The following PRH1 variants were observed in gnomAD, a reference collection of about 807,000 sequenced individuals.
The protein encoded by PRH1 is proline rich protein HaeIII subfamily 1.
PRH1 carries 7 observed loss-of-function variants against 7.9 expected under a neutral mutation model. That is an observed-to-expected ratio of 0.89 (90% confidence interval 0.50 to 1.67). The LOEUF (loss-of-function observed/expected upper bound fraction) is 1.67. PRH1 is among the 40% of genes most tolerant of loss of function. The pLI is 0.00. For missense variants in PRH1, 109 were observed against 223.6 expected (o/e 0.49, Z 3.27); for synonymous variants, 45 against 80.8 (o/e 0.56, Z 2.38).
chr12:11,038,158 AT>A (rs1404072933), intron 1 of PRH1, among the ~76,000 whole-genome samples: 2 of 152,286 alleles, frequency 1.3e-5, no homozygotes, highest in Non-Finnish European at 2.9e-5. Context: ...AATATGCTGT[AT>A]CACCCTAATT....
At chr12:11,099,241 G>A (rs1288903938) in intron 1 of PRH1, among the ~76,000 whole-genome samples, 1 of 152,006 alleles carries the variant, frequency 6.6e-6, no homozygotes, top group Non-Finnish European at 1.5e-5. Context: ...TCCATACTGG[G>A]GATTCTTCCT....
chr12:11,044,882 T>C (rs1301750427), intron 1 of PRH1, among the ~76,000 whole-genome samples: 1 of 152,178 alleles, frequency 6.6e-6, no homozygotes, highest in African/African-American at 2.4e-5. Flanking sequence ...AAAACCACTA[T>C]GGAAAACCAT....
intron 1 of PRH1, among the ~76,000 whole-genome samples, chr12:11,157,340 T>G (rs1947283207): frequency 6.6e-6 from 1 of 152,180 alleles, no homozygotes; most frequent in Non-Finnish European, 1.5e-5. Flanking sequence ...CACCATCTTA[T>G]AACATGGCTT....
intron 1 of PRH1, among the ~76,000 whole-genome samples, chr12:11,018,988 G>A (rs1364247366): frequency 7.3e-6 from 1 of 136,510 alleles, no homozygotes; most frequent in African/African-American, 2.5e-5. Flanking sequence ...AAAGGGGAGA[G>A]GAAAAGAGAA....
At chr12:10,922,818 A>ATTTTTTTTTTT (rs1338757664) in intron 2 of PRH1, among the ~76,000 whole-genome samples, 41 of 16,454 alleles carry the variant, frequency 2.5e-3, no homozygotes, top group South Asian at 5.0e-3. Context: ...TTTTCCATGA[A>ATTTTTTTTTTT]TTTTTTCTTT....
intron 1 of PRH1, chr12:10,986,310 C>A: frequency 1.2e-6 from 2 of 1,614,014 alleles, no homozygotes; most frequent in Non-Finnish European, 1.7e-6. Flanking sequence ...GGGTATGAAG[C>A]TCCATAGGGT....
At chr12:11,157,318 C>T (rs1445298414) in intron 1 of PRH1, among the ~76,000 whole-genome samples, 1 of 152,156 alleles carries the variant, frequency 6.6e-6, no homozygotes, top group Non-Finnish European at 1.5e-5. Flanking sequence ...GATAATACAT[C>T]AATCACAGCA....
At position 11,106,213 on chromosome 12, in the gene PRH1, T is replaced by C. The variant is rs1269386352; in HGVS notation, n.124-59025A>G. On this transcript the variant is annotated intron_variant and non_coding_transcript_variant, in intron 1 of 4. Coordinates refer to the PRH1 transcript ENST00000541977. The stretch of plus-strand genomic sequence containing the variant: ...CCTCGGCCTCCCAAAGTGCTGGGAT[T>C]ACAGGCGTGAGCCACCGCGCCCGGC... 4.3e-5 allele frequency among the ~76,000 whole-genome samples: 2 copies of C among 46,728 alleles called. 1 individual carries two copies. Among genetic ancestry groups the C allele is most frequent in the Non-Finnish European group, 1.3e-4 (2 of 15,432 alleles). 30.7% of individuals were successfully genotyped at this position (46,728 alleles called of 152,430 possible).
intron 2 of PRH1, among the ~76,000 whole-genome samples, chr12:10,922,839 T>TTTTTTTTTTTTTTG: frequency 7.8e-6 from 1 of 127,694 alleles, no homozygotes; most frequent in Non-Finnish European, 1.7e-5. Flanking sequence ...TTCTTTTTTT[T>TTTTTTTTTTTTTTG]GAGACGGAGT....
intron 1 of PRH1, among the ~76,000 whole-genome samples, chr12:11,026,273 C>A (rs1941909070): frequency 6.6e-6 from 1 of 152,196 alleles, no homozygotes; most frequent in African/African-American, 2.4e-5. Flanking sequence ...AGGGATCCTC[C>A]CACCTTCGCC....
At chr12:11,170,235 C>T (rs964917634) in intron 1 of PRH1, among the ~76,000 whole-genome samples, 1 of 152,190 alleles carries the variant, frequency 6.6e-6, no homozygotes, top group African/African-American at 2.4e-5. Flanking sequence ...TGTGCTGTTA[C>T]TCTAATGGTA....
intron 1 of PRH1, among the ~76,000 whole-genome samples, chr12:11,083,935 C>CTT (rs1944586577): frequency 1.6e-5 from 1 of 62,610 alleles, no homozygotes. Context: ...GTTGGTTCTG[C>CTT]TGGGACAATT....
intron 1 of PRH1, among the ~76,000 whole-genome samples, chr12:11,169,668 AT>A (rs1446154801): frequency 6.6e-6 from 1 of 152,200 alleles, no homozygotes; most frequent in Admixed American, 6.5e-5. Context: ...GGCTCTGTGT[AT>A]TAGTCTTTCA....
chr12:10,892,084 T>A (rs1949581520), intron 2 of PRH1, among the ~76,000 whole-genome samples: 1 of 152,276 alleles, frequency 6.6e-6, no homozygotes, highest in Admixed American at 6.5e-5. Flanking sequence ...AAAAAGGCAT[T>A]CAATAGGTTG....
upstream of PRH1, among the ~76,000 whole-genome samples, chr12:11,050,313 C>T (rs935743251): frequency 7.2e-5 from 11 of 152,062 alleles, no homozygotes; most frequent in Non-Finnish European, 1.2e-4. Flanking sequence ...TGGGATGGGC[C>T]GAAACAAAGG....
chr12:10,978,447 A>G (rs1005758381), intron 1 of PRH1, among the ~76,000 whole-genome samples: 1 of 152,190 alleles, frequency 6.6e-6, no homozygotes, highest in African/African-American at 2.4e-5. Flanking sequence ...TGTAAAACCT[A>G]AAACTGTAAA....
At chr12:10,969,952 C>T (rs939629435) in intron 2 of PRH1, among the ~76,000 whole-genome samples, 8 of 152,128 alleles carry the variant, frequency 5.3e-5, no homozygotes, top group Non-Finnish European at 8.8e-5. Flanking sequence ...AGGCATCCAC[C>T]ACCACACCCG....
chr12:10,898,674 G>A (rs979756568), intron 2 of PRH1, among the ~76,000 whole-genome samples: 5 of 151,964 alleles, frequency 3.3e-5, no homozygotes, highest in East Asian at 1.9e-4. Flanking sequence ...AAGTAGAGAG[G>A]GTCAATAGAA....
downstream of PRH1, among the ~76,000 whole-genome samples, chr12:11,118,868 G>A (rs1235433889): frequency 9.2e-5 from 14 of 151,880 alleles, no homozygotes; most frequent in Admixed American, 6.6e-4. Context: ...GGTGGCTGGC[G>A]CCTGTAGTCC....
Sources: allele counts gnomAD v4.1 joint callset (sites outside exome capture counted in the v4.1 genomes callset), GRCh38; gene constraint gnomAD v4.1.1; transcripts MANE v1.5; gene names NCBI Gene and HGNC (gene_info 2026-07-23, HGNC 2026-07-21).